GRIK2: variants seen among roughly 807,000 people sequenced by gnomAD.
The protein encoded by GRIK2 is glutamate ionotropic receptor kainate type subunit 2.
GRIK2 carries 32 observed loss-of-function variants against 100.3 expected under a neutral mutation model. That is an observed-to-expected ratio of 0.32 (90% CI 0.24 to 0.43). The LOEUF (loss-of-function observed/expected upper bound fraction) is 0.43, where lower values mean the gene tolerates loss of function less well. Among genes scored for constraint, GRIK2 ranks in the 20% least tolerant of loss-of-function variants. The pLI, the probability that GRIK2 is intolerant of heterozygous loss-of-function variation, is 1.00. For synonymous variants in GRIK2, 417 were observed against 389.4 expected (o/e 1.07, Z -0.83); for missense variants, 843 against 1,114.9 (o/e 0.76, Z 3.47).
intron 2 of GRIK2, among the ~76,000 whole-genome samples, chr6:101,401,515 C>T (rs1293846265): frequency 6.6e-6 from 1 of 152,158 alleles, no homozygotes; most frequent in Admixed American, 6.5e-5. Context: ...CCTAAACCAA[C>T]AGTCCAGCTT....
chr6:101,726,191 T>C (rs1488111030), intron 7 of GRIK2, among the ~76,000 whole-genome samples: 1 of 152,018 alleles, frequency 6.6e-6, no homozygotes, highest in Non-Finnish European at 1.5e-5. Context: ...TAACGCTTTA[T>C]GCAAACAGTG....
At chr6:101,943,773 C>G (rs1791102281) in intron 14 of GRIK2, among the ~76,000 whole-genome samples, 1 of 152,200 alleles carries the variant, frequency 6.6e-6, no homozygotes, top group South Asian at 2.1e-4. Context: ...AAGTAACTAA[C>G]TTGTTTTTGA....
chr6:102,051,251 C>CCCTTCCTTCTTTCTTT (rs764711100), intron 15 of GRIK2, among the ~76,000 whole-genome samples: 2 of 122,060 alleles, frequency 1.6e-5, no homozygotes, highest in African/African-American at 6.1e-5. Context: ...TTCCCTCCCT[C>CCCTTCCTTCTTTCTTT]CCTTCCTTCC....
rs915330560 is a variant in GRIK2 at position 101,822,892 on chromosome 6, G to C, written c.1317+4409G>C. Among the ~76,000 whole-genome samples the C allele has an allele frequency of 1.3e-4, 20 of 152,142 alleles. 1 individual carries two copies. Among genetic ancestry groups the C allele is most frequent in the Middle Eastern group, 3.4e-3 (1 of 294 alleles). On this transcript the variant is annotated intron_variant, in intron 10 of 16. Coordinates refer to ENST00000369134, the MANE Select transcript of GRIK2 (RefSeq NM_021956.5). Reference sequence around the variant, plus strand: ...CTGATACTATAAAATGAAAATTCTAGTGGTCAAATATAGAAAAGGCTAACA... The same window carrying C: ...CTGATACTATAAAATGAAAATTCTACTGGTCAAATATAGAAAAGGCTAACA...
chr6:101,810,576 C>A (rs1409418950), intron 9 of GRIK2, among the ~76,000 whole-genome samples: 1 of 152,062 alleles, frequency 6.6e-6, no homozygotes, highest in Non-Finnish European at 1.5e-5. Flanking sequence ...GCTCTGGACT[C>A]AAATTCTAGC....
intron 2 of GRIK2, among the ~76,000 whole-genome samples, chr6:101,423,590 T>C (rs1459858696): frequency 1.3e-5 from 2 of 152,224 alleles, no homozygotes; most frequent in African/African-American, 4.8e-5. Context: ...GCCATTTGTA[T>C]ATCTTCTTTG....
chr6:101,649,104 C>A (rs1362343159), intron 4 of GRIK2, among the ~76,000 whole-genome samples: 1 of 152,018 alleles, frequency 6.6e-6, no homozygotes, highest in East Asian at 1.9e-4. Flanking sequence ...CACAGCCAAA[C>A]CATATCACTA....
At chr6:101,665,389 C>T (rs1769949569) in intron 4 of GRIK2, among the ~76,000 whole-genome samples, 1 of 152,190 alleles carries the variant, frequency 6.6e-6, no homozygotes. Context: ...TAACTCCCTC[C>T]ACCTGGCCAA....
At chr6:101,934,651 A>C (rs868239480) in intron 14 of GRIK2, among the ~76,000 whole-genome samples, 4 of 151,940 alleles carry the variant, frequency 2.6e-5, no homozygotes, top group African/African-American at 7.2e-5. Flanking sequence ...AACATATACT[A>C]TTCATTAGAG....
chr6:101,393,825 C>G lies in GRIK2; in HGVS notation c.-306C>G, dbSNP rs772547224. On this transcript the variant is annotated 5_prime_UTR_variant, in exon 1 of 17. Transcript: ENST00000369134. ...CCCCACCCCCTCCCCGCCCACCTCA[C>G]CCCTAGCTCCAGGTAAGGACTCCCC... Among the ~76,000 whole-genome samples the G allele has an allele frequency of 6.7e-6, 1 of 149,402 alleles. No individual in the cohort carries two copies. Among genetic ancestry groups the G allele is most frequent in the Non-Finnish European group, 1.5e-5 (1 of 67,096 alleles).
chr6:101,496,101 A>G (rs574910146), intron 2 of GRIK2, among the ~76,000 whole-genome samples: 63 of 152,032 alleles, frequency 4.1e-4, no homozygotes, highest in Admixed American at 7.9e-4. Context: ...GCACATCACC[A>G]CACCTGGCTA....
intron 14 of GRIK2, among the ~76,000 whole-genome samples, chr6:101,997,163 TG>T (rs1252951259): frequency 6.6e-6 from 1 of 152,114 alleles, no homozygotes; most frequent in Non-Finnish European, 1.5e-5. Context: ...AGTTTGCTTT[TG>T]TTTCTTTTAT....
At chr6:101,414,051 A>C (rs1452014648) in intron 2 of GRIK2, among the ~76,000 whole-genome samples, 1 of 129,402 alleles carries the variant, frequency 7.7e-6, no homozygotes, top group East Asian at 2.3e-4. Context: ...TGGTCTCTGC[A>C]TCAAGAAGGA....
At chr6:101,546,480 A>G (rs1464317704) in intron 2 of GRIK2, among the ~76,000 whole-genome samples, 1 of 152,212 alleles carries the variant, frequency 6.6e-6, no homozygotes, top group Non-Finnish European at 1.5e-5. Context: ...GTAGCAAAGC[A>G]GTTAAGAGCA....
chr6:101,640,306 C>A (rs139968955), intron 4 of GRIK2, among the ~76,000 whole-genome samples: 1 of 152,136 alleles, frequency 6.6e-6, no homozygotes, highest in East Asian at 1.9e-4. Flanking sequence ...CACTTCTAAA[C>A]CTCAAAAAGT....
chr6:102,006,615 G>T (rs1795253900), intron 14 of GRIK2, among the ~76,000 whole-genome samples: 1 of 151,594 alleles, frequency 6.6e-6, no homozygotes. Flanking sequence ...TGATTCTCCT[G>T]CCTTGGCCTC....
chr6:101,402,437 G>A lies in GRIK2; in HGVS notation c.115+3045G>A, dbSNP rs190725891. ...TCCAGCCTCAGCCGACTCCCACTTG[G>A]CTGCACAGGCTGGCCTGCTCCTCTG... On this transcript the variant is annotated intron_variant, in intron 2 of 16. Transcript: ENST00000369134. Among the ~76,000 whole-genome samples, 68 of 152,238 alleles carry A rather than the reference G, an allele frequency of 4.5e-4. 1 individual carries two copies. Among genetic ancestry groups the A allele is most frequent in the Middle Eastern group, 3.4e-3 (1 of 294 alleles).
intron 15 of GRIK2, among the ~76,000 whole-genome samples, chr6:102,050,873 C>A (rs1771145238): frequency 6.6e-6 from 1 of 151,678 alleles, no homozygotes; most frequent in Non-Finnish European, 1.5e-5. Context: ...TTTAATAAAC[C>A]CAGCAAGTTA....
At chr6:101,923,943 A>G (rs1789722130) in intron 12 of GRIK2, among the ~76,000 whole-genome samples, 1 of 151,632 alleles carries the variant, frequency 6.6e-6, no homozygotes, top group East Asian at 1.9e-4. Context: ...AAAAAAAAAA[A>G]AAAACCACAA....
Sources: allele counts gnomAD v4.1 joint callset (sites outside exome capture counted in the v4.1 genomes callset), GRCh38; gene constraint gnomAD v4.1.1; transcripts MANE v1.5; gene names NCBI Gene and HGNC (gene_info 2026-07-23, HGNC 2026-07-21).